Variants in CLDN34 observed in about 807,000 individuals in gnomAD.
CLDN34 encodes claudin 34, also known as claudin-34.
For missense variants in CLDN34, 166 were observed against 171.5 expected (o/e 0.97, Z 0.18); for synonymous variants, 71 against 65.0 (o/e 1.09, Z -0.45).
At position 9,968,168 on chromosome X, in the gene CLDN34, G is replaced by A; in HGVS notation, c.*166G>A. On this transcript the variant is annotated 3_prime_UTR_variant, in exon 1 of 1. Transcript: ENST00000445307. ...CTTCTGTTATCTTGTGTATCTGAAT[G>A]TGGCTCACTGATTTGTTGGTTGAAT... 1 of 517,971 alleles carries A rather than the reference G, an allele frequency of 1.9e-6. No individual in the cohort carries two copies. Among genetic ancestry groups the A allele is most frequent in the Admixed American group, 2.7e-5 (1 of 37,021 alleles). The allele number at this position is 517,971 out of a possible 1,213,427, so 42.7% of individuals were successfully genotyped here.
Position 9,967,394 on chromosome X carries a change from T to G in CLDN34, c.37T>G (p.Ser13Ala), listed in dbSNP as rs1387914197. The G allele has an allele frequency of 8.7e-6, 10 of 1,151,500 alleles. No individual in the cohort carries two copies. The highest frequency in any genetic ancestry group is 1.1e-5 in the Non-Finnish European group (10 of 870,718). 94.9% of individuals were successfully genotyped at this position (1,151,500 alleles called of 1,213,427 possible). A position where few individuals can be genotyped will look rare whatever the true frequency, so the allele number is the denominator to read the frequency against. Residue 13 changes from serine to alanine, a missense_variant, in exon 1 of 1, where the codon TCA (serine) becomes GCA (alanine). Coordinates refer to ENST00000445307, the MANE Select transcript of CLDN34 (RefSeq NM_001195081.2). The part of the protein sequence containing the change: ...WFCNSADCQF[S>A]VFALTTIGWI... ...CTGCAACAGTGCCGACTGCCAATTT[T>G]CAGTCTTCGCCCTTACCACCATAGG...
rs1396238108 is a variant in CLDN34 at position 9,968,175 on chromosome X, A to T, written c.*173A>T. ...TATCTTGTGTATCTGAATGTGGCTC[A>T]CTGATTTGTTGGTTGAATTGAGAAC... On this transcript the variant is annotated 3_prime_UTR_variant, in exon 1 of 1. Transcript: ENST00000445307. 6 of 513,107 alleles carry T rather than the reference A, an allele frequency of 1.2e-5. No individual in the cohort carries two copies. In the Admixed American group the frequency reaches 1.6e-4, roughly 14 times the overall value. 42.3% of individuals were successfully genotyped at this position (513,107 alleles called of 1,213,427 possible). A position where few individuals can be genotyped will look rare whatever the true frequency, so the allele number is the denominator to read the frequency against.
chrX:9,968,139 C>T lies in CLDN34; in HGVS notation c.*137C>T, dbSNP rs902084508. The T allele has an allele frequency of 1.8e-6, 1 of 560,734 alleles. No individual in the cohort carries two copies. Among genetic ancestry groups the T allele is most frequent in the African/African-American group, 2.3e-5 (1 of 44,009 alleles). The allele number at this position is 560,734 out of a possible 1,213,427, so 46.2% of individuals were successfully genotyped here. Reference sequence around the variant, plus strand: ...GTTTGGGACAGAAGGTGGCCAACTGCCTCCTTCTGTTATCTTGTGTATCTG... The same window carrying T: ...GTTTGGGACAGAAGGTGGCCAACTGTCTCCTTCTGTTATCTTGTGTATCTG... On this transcript the variant is annotated 3_prime_UTR_variant, in exon 1 of 1. Coordinates refer to ENST00000445307, the MANE Select transcript of CLDN34 (RefSeq NM_001195081.2).
In CLDN34 at chrX:9,968,249, A is replaced by C; in HGVS notation, c.*247A>C. The C allele has an allele frequency of 2.3e-6, 1 of 430,927 alleles. No homozygotes were observed. The allele number at this position is 430,927 out of a possible 1,213,427, so 35.5% of individuals were successfully genotyped here. A position where few individuals can be genotyped will look rare whatever the true frequency, so the allele number is the denominator to read the frequency against. On this transcript the variant is annotated 3_prime_UTR_variant, in exon 1 of 1. Coordinates refer to ENST00000445307, the MANE Select transcript of CLDN34 (RefSeq NM_001195081.2). ...TGCCAGTTGGTCTTATTGCATCTGA[A>C]TTTTAATTATTGTTGGCTACAGCAA... is the stretch of plus-strand genomic sequence containing the variant.
rs968573651 is a variant in CLDN34, at chrX:9,967,399, C to A, written c.42C>A (p.Val14=). The A allele has an allele frequency of 1.7e-6, 2 of 1,155,117 alleles. No individual in the cohort carries two copies. The highest frequency in any genetic ancestry group is 2.3e-6 in the Non-Finnish European group (2 of 872,302). ...ACAGTGCCGACTGCCAATTTTCAGT[C>A]TTCGCCCTTACCACCATAGGATGGA... ...FCNSADCQFS[V]FALTTIGWIL... is the part of the protein sequence containing the mutation. Residue 14 remains valine (V), a synonymous_variant, in exon 1 of 1, where the codon GTC becomes GTA. Transcript: ENST00000445307.
Position 9,967,595 on chromosome X carries a change from A to G in CLDN34, c.238A>G (p.Thr80Ala), listed in dbSNP as rs1327840218. ...KFCYRYSYQD[T>A]FLPFEISMAQ... ...TTGTTACCGATACAGCTACCAGGAC[A>G]CCTTTCTCCCTTTTGAAATTTCCAT... Residue 80 changes from threonine to alanine, a missense_variant, in exon 1 of 1, where the codon ACC becomes GCC. Transcript: ENST00000445307. The G allele has an allele frequency of 6.9e-6, 8 of 1,154,121 alleles. No homozygotes were observed. The South Asian group carries it at 1.5e-4, about 22-fold the overall frequency.
rs2084914127 is a variant in CLDN34 at position 9,968,283 on chromosome X, C to T, written c.*281C>T. 1 of 375,495 alleles carries T rather than the reference C, an allele frequency of 2.7e-6. No individual in the cohort carries two copies. Among genetic ancestry groups the T allele is most frequent in the African/African-American group, 2.6e-5 (1 of 38,951 alleles). 30.9% of individuals were successfully genotyped at this position (375,495 alleles called of 1,213,427 possible). On this transcript the variant is annotated 3_prime_UTR_variant, in exon 1 of 1. Transcript: ENST00000445307. ...ATTGTTGGCTACAGCAAATAATCAA[C>T]CCTGTAAACTAAGAGTAGGGAAATA...
rs1278219228 is a variant in CLDN34 at position 9,967,925 on chromosome X, C to T, written c.568C>T (p.Leu190=). 8.7e-6 allele frequency: 10 copies of T among 1,151,334 alleles called. No individual in the cohort carries two copies. The highest frequency in any genetic ancestry group is 1.9e-5 in the South Asian group (1 of 52,453). The allele number at this position is 1,151,334 out of a possible 1,213,427, so 94.9% of individuals were successfully genotyped here. ...GGCAGGGATAGGTGTCTTGCCGATG[C>T]TGTTAACTGGGATGTTTTCTCTGTT... ...QVAGIGVLPM[L]LTGMFSLFYK... Residue 190 remains leucine (L), a synonymous_variant, in exon 1 of 1, where the codon CTG becomes TTG. Coordinates refer to ENST00000445307, the MANE Select transcript of CLDN34 (RefSeq NM_001195081.2).
Position 9,967,800 on chromosome X carries a change from A to T in CLDN34, c.443A>T (p.Asn148Ile). 8.7e-7 allele frequency: 1 copy of T among 1,155,264 alleles called. No individual in the cohort carries two copies. Among genetic ancestry groups the T allele is most frequent in the Non-Finnish European group, 1.1e-6 (1 of 872,434 alleles). ...TTTAACTTAATTGCTGTGCTCCAGA[A>T]CTACGATGCCGTCATAAACTCACAG... Reference protein sequence around the residue: ...GVFNLIAVLQNYDAVINSQGI... With the variant: ...GVFNLIAVLQIYDAVINSQGI... The change falls in exon 1 of 1, where the codon AAC becomes ATC. Residue 148 changes from asparagine (N) to isoleucine (I), a missense_variant. Transcript: ENST00000445307.
At position 9,967,864 on chromosome X, in the gene CLDN34, G is replaced by A. The variant is rs1334460833; in HGVS notation, c.507G>A (p.Lys169=). 5 of 1,155,834 alleles carry A rather than the reference G, an allele frequency of 4.3e-6. No homozygotes were observed. Among genetic ancestry groups the A allele is most frequent in the Non-Finnish European group, 5.7e-6 (5 of 872,962 alleles). ...TFLPSLQMPF[K]PDVQEVGTAI... Reference sequence around the variant, plus strand: ...TGCCATCTCTCCAAATGCCCTTCAAGCCAGATGTGCAGGAAGTTGGCACTG... The same window carrying A: ...TGCCATCTCTCCAAATGCCCTTCAAACCAGATGTGCAGGAAGTTGGCACTG... Residue 169 remains lysine (K), a synonymous_variant, in exon 1 of 1, where the codon AAG becomes AAA. Coordinates refer to ENST00000445307, the MANE Select transcript of CLDN34 (RefSeq NM_001195081.2).
At position 9,967,474 on chromosome X, in the gene CLDN34, G is replaced by A. The variant is rs1178076599; in HGVS notation, c.117G>A (p.Met39Ile). 1 of 1,155,554 alleles carries A rather than the reference G, an allele frequency of 8.7e-7. No individual in the cohort carries two copies. Among genetic ancestry groups the A allele is most frequent in the East Asian group, 3.3e-5 (1 of 30,757 alleles). ...TCGTGGAGTGGCGAATATGGTACAT[G>A]AAAGACACCTCGCTCTACCCCCCTG... ...TGLVEWRIWY[M>I]KDTSLYPPGI... Residue 39 changes from methionine (M) to isoleucine (I), a missense_variant, in exon 1 of 1, where the codon ATG becomes ATA. Met to Ile is a conservative substitution (Grantham distance 10). Transcript: ENST00000445307.
rs1243870418 is a variant in CLDN34 at position 9,967,670 on chromosome X, G to A, written c.313G>A (p.Ala105Thr). Residue 105 changes from alanine (A) to threonine (T), a missense_variant, in exon 1 of 1, where the codon GCC (alanine) becomes ACC (threonine). Ala to Thr is a moderately conservative substitution (Grantham distance 58). Transcript: ENST00000445307. ...TASIFGFFGR[A>T]FNMFALRNMS... ...CAGCATTTTCGGATTCTTCGGGAGA[G>A]CCTTTAACATGTTTGCACTTAGAAA... is the stretch of plus-strand genomic sequence containing the variant. The A allele has an allele frequency of 8.7e-6, 10 of 1,155,544 alleles. No homozygotes were observed. Among genetic ancestry groups the A allele is most frequent in the Middle Eastern group, 2.3e-4 (1 of 4,304 alleles).
rs2084913395 is a variant in CLDN34, at chrX:9,968,007, C to T, written c.*5C>T. On this transcript the variant is annotated 3_prime_UTR_variant, in exon 1 of 1. Transcript: ENST00000445307. ...CCTGGTATTTCAGAAATGTGAATTTCCTGGTTGCATTGGCTTTGCAAATCT... is the reference window on the plus strand; with the variant it reads ...CCTGGTATTTCAGAAATGTGAATTTTCTGGTTGCATTGGCTTTGCAAATCT... The T allele has an allele frequency of 8.7e-7, 1 of 1,150,052 alleles. No homozygotes were observed. Among genetic ancestry groups the T allele is most frequent in the Non-Finnish European group, 1.2e-6 (1 of 868,986 alleles). The allele number at this position is 1,150,052 out of a possible 1,213,427, so 94.8% of individuals were successfully genotyped here.
Position 9,967,556 on chromosome X carries a change from A to C in CLDN34, c.199A>C (p.Thr67Pro). 1.7e-6 allele frequency: 2 copies of C among 1,155,693 alleles called. No homozygotes were observed. Among genetic ancestry groups the C allele is most frequent in the Non-Finnish European group, 2.3e-6 (2 of 872,729 alleles). The change falls in exon 1 of 1, where the codon ACC (threonine) becomes CCC (proline). Residue 67 changes from threonine (T) to proline (P), a missense_variant. Transcript: ENST00000445307. Reference sequence around the variant, plus strand: ...CATTTACCGGCGTCGCACCAACAGCACCACAACCAAATTTTGTTACCGATA... The same window carrying C: ...CATTTACCGGCGTCGCACCAACAGCCCCACAACCAAATTTTGTTACCGATA... The part of the protein sequence containing the change: ...VCIYRRRTNS[T>P]TTKFCYRYSY...
chrX:9,967,995 A>G lies in CLDN34; in HGVS notation c.638A>G (p.Glu213Gly). 8.7e-7 allele frequency: 1 copy of G among 1,154,505 alleles called. No homozygotes were observed. The highest frequency in any genetic ancestry group is 1.1e-6 in the Non-Finnish European group (1 of 871,607). ...PYGQVHPGISEM is the reference protein window; with the variant it reads ...PYGQVHPGISGM ...GGCCAAGTGCATCCTGGTATTTCAG[A>G]AATGTGAATTTCCTGGTTGCATTGG... The change falls in exon 1 of 1, where the codon GAA becomes GGA. Residue 213 changes from glutamate (E) to glycine (G), a missense_variant. Physicochemically the swap from Glu to Gly is moderately conservative, Grantham distance 98. Coordinates refer to ENST00000445307, the MANE Select transcript of CLDN34 (RefSeq NM_001195081.2).
In CLDN34 at chrX:9,967,979, C is replaced by T. The variant is rs73632619; in HGVS notation, c.622C>T (p.His208Tyr). Reference sequence around the variant, plus strand: ...CAAATGTCCCCCGTACGGCCAAGTGCATCCTGGTATTTCAGAAATGTGAAT... The same window carrying T: ...CAAATGTCCCCCGTACGGCCAAGTGTATCCTGGTATTTCAGAAATGTGAAT... Reference protein sequence around the residue: ...FYKCPPYGQVHPGISEM With the variant: ...FYKCPPYGQVYPGISEM Residue 208 changes from histidine (H) to tyrosine (Y), a missense_variant, in exon 1 of 1, where the codon CAT (histidine) becomes TAT (tyrosine). His to Tyr is a moderately conservative substitution (Grantham distance 83). Coordinates refer to ENST00000445307, the MANE Select transcript of CLDN34 (RefSeq NM_001195081.2). 58 of 1,152,959 alleles carry T rather than the reference C, an allele frequency of 5.0e-5. No individual in the cohort carries two copies. The African/African-American group carries it at 9.0e-4, about 18-fold the overall frequency.
rs1252764505 is a variant in CLDN34, at chrX:9,968,116, T to C, written c.*114T>C. The C allele has an allele frequency of 1.4e-6, 1 of 740,203 alleles. No individual in the cohort carries two copies. The highest frequency in any genetic ancestry group is 2.0e-6 in the Non-Finnish European group (1 of 495,464). 61.0% of individuals were successfully genotyped at this position (740,203 alleles called of 1,213,427 possible). A position where few individuals can be genotyped will look rare whatever the true frequency, so the allele number is the denominator to read the frequency against. On this transcript the variant is annotated 3_prime_UTR_variant, in exon 1 of 1. Transcript: ENST00000445307. ...GACTCAAGACCGTGGCATGGGTAGT[T>C]TGGGACAGAAGGTGGCCAACTGCCT...
rs1569186543 is a variant in CLDN34 at position 9,968,014 on chromosome X, G to A, written c.*12G>A. 8.7e-7 allele frequency: 1 copy of A among 1,148,321 alleles called. No individual in the cohort carries two copies. Among genetic ancestry groups the A allele is most frequent in the Non-Finnish European group, 1.2e-6 (1 of 865,971 alleles). 94.6% of individuals were successfully genotyped at this position (1,148,321 alleles called of 1,213,427 possible). ...TTTCAGAAATGTGAATTTCCTGGTT[G>A]CATTGGCTTTGCAAATCTAAGATTT... On this transcript the variant is annotated 3_prime_UTR_variant, in exon 1 of 1. Transcript: ENST00000445307.
At position 9,967,785 on chromosome X, in the gene CLDN34, T is replaced by C; in HGVS notation, c.428T>C (p.Ile143Thr). ...ATTGCTGCTGGTGTCTTTAACTTAATTGCTGTGCTCCAGAACTACGATGCC... is the reference window on the plus strand; with the variant it reads ...ATTGCTGCTGGTGTCTTTAACTTAACTGCTGTGCTCCAGAACTACGATGCC... ...LNIAAGVFNL[I>T]AVLQNYDAVI... Residue 143 changes from isoleucine to threonine, a missense_variant, in exon 1 of 1, where the codon ATT becomes ACT. Coordinates refer to ENST00000445307, the MANE Select transcript of CLDN34 (RefSeq NM_001195081.2). 2 of 1,155,422 alleles carry C rather than the reference T, an allele frequency of 1.7e-6. No individual in the cohort carries two copies. The highest frequency in any genetic ancestry group is 2.3e-6 in the Non-Finnish European group (2 of 872,491).
Sources: allele counts gnomAD v4.1 joint callset, GRCh38; gene constraint gnomAD v4.1.1; transcripts MANE v1.5; gene names NCBI Gene and HGNC (gene_info 2026-07-23, HGNC 2026-07-21).